The following FMO5 variants were observed in gnomAD, a reference collection of about 807,000 sequenced individuals.
FMO5 encodes the protein flavin-containing monooxygenase 5.
In FMO5, 51 loss-of-function variants were observed where a neutral mutation model predicts 43.6. The observed-to-expected ratio is 1.17, with a 90% CI of 0.93 to 1.48. The LOEUF is 1.48. Ranked by LOEUF, FMO5 falls within the 40% of genes most tolerant of loss-of-function variation. FMO5 has a pLI of 0.00. For missense variants in FMO5, 644 were observed against 643.0 expected (o/e 1.00, Z -0.02); for synonymous variants, 187 against 216.5 (o/e 0.86, Z 1.20).
downstream of FMO5, among the ~76,000 whole-genome samples, chr1:147,185,043 A>G (rs7548475): frequency 0.37 from 56,610 of 151,884 alleles, 10,976 homozygotes; most frequent in African/African-American, 0.5. Flanking sequence ...TAATATAAGA[A>G]CAAGATATGG....
At position 147,200,573 on chromosome 1, in the gene FMO5, C is replaced by CGG. The variant is rs1553920654; in HGVS notation, c.1183+578_1183+579insCC. On this transcript the variant is annotated intron_variant, in intron 7 of 8. Transcript: ENST00000254090. ...TTTGGAAGCTATATCATTCTACTGA[C>CGG]TCATATGAAACCTATTCCCCTTTTT... 5.4e-5 allele frequency among the ~76,000 whole-genome samples: 7 copies of CGG among 129,182 alleles called. No individual in the cohort carries two copies. In the East Asian group the frequency reaches 1.4e-3, roughly 26 times the overall value. The allele number at this position is 129,182 out of a possible 152,430, so 84.7% of individuals were successfully genotyped here. A position where few individuals can be genotyped will look rare whatever the true frequency, so the allele number is the denominator to read the frequency against.
In FMO5 at chr1:147,186,714, G is replaced by A; in HGVS notation, c.*186C>T. On this transcript the variant is annotated 3_prime_UTR_variant, in exon 9 of 9. Transcript: ENST00000254090. Reference sequence around the variant, plus strand: ...AGAGTGACGGATCATGAGTGGAAGGGAGATGAGTTAATACAAATGGAAAAC... The same window carrying A: ...AGAGTGACGGATCATGAGTGGAAGGAAGATGAGTTAATACAAATGGAAAAC... The A allele has an allele frequency of 3.5e-6, 5 of 1,419,560 alleles. No individual in the cohort carries two copies. The highest frequency in any genetic ancestry group is 4.6e-6 in the Non-Finnish European group (5 of 1,092,380). The allele number at this position is 1,419,560 out of a possible 1,614,324, so 87.9% of individuals were successfully genotyped here. A position where few individuals can be genotyped will look rare whatever the true frequency, so the allele number is the denominator to read the frequency against.
At chr1:147,184,699 G>A, downstream of FMO5, 2 of 1,414,828 alleles carry the variant, frequency 1.4e-6, no homozygotes, top group Non-Finnish European at 1.8e-6. This position sits in a 1 kb window ranked among gnomAD's most constrained non-coding sequence, Gnocchi z 4.4. Flanking sequence ...TCATCTCAAA[G>A]GTACATACTA....
chr1:147,199,989 A>T (rs1255615217), intron 7 of FMO5, among the ~76,000 whole-genome samples: 5 of 152,140 alleles, frequency 3.3e-5, no homozygotes, highest in Middle Eastern at 3.2e-3. Context: ...CTTTAGAAGG[A>T]CCCTTAAACA....
At position 147,201,470 on chromosome 1, in the gene FMO5, G is replaced by A. The variant is rs1553920975; in HGVS notation, c.865C>T (p.Leu289=). 3.7e-6 allele frequency: 6 copies of A among 1,613,992 alleles called. No individual in the cohort carries two copies. In the Admixed American group the frequency reaches 5.0e-5, roughly 13 times the overall value. Residue 289 remains leucine (L), a synonymous_variant, in exon 7 of 9, where the codon CTG becomes TTG. Transcript: ENST00000254090. ...AAGCCAGAAATGATACGATTTGGCAGGTCATCATTTAAGGTTGGATGCTGA... is the reference window on the plus strand; with the variant it reads ...AAGCCAGAAATGATACGATTTGGCAAGTCATCATTTAAGGTTGGATGCTGA... The part of the protein sequence containing the change: ...LSQHPTLNDD[L]PNRIISGLVK...
chr1:147,213,546 T>C, intron 3 of FMO5, 76 bp from the exon 4 acceptor site: 1 of 1,277,696 alleles, frequency 7.8e-7, no homozygotes. Flanking sequence ...AAAGGGCTGA[T>C]ATCACAGACA....
At chr1:147,192,688 C>T (rs1469021158) in intron 7 of FMO5, among the ~76,000 whole-genome samples, 4 of 152,082 alleles carry the variant, frequency 2.6e-5, no homozygotes, top group Admixed American at 6.5e-5. Flanking sequence ...TACATCCCAT[C>T]GATACCTAAT....
chr1:147,214,476 A>AAG (rs1553924557), intron 3 of FMO5, among the ~76,000 whole-genome samples: 1 of 150,642 alleles, frequency 6.6e-6, no homozygotes, highest in Non-Finnish European at 1.5e-5. Flanking sequence ...CAAAAAAAAA[A>AAG]AGAGAGACAA....
At chr1:147,209,678 A>G (rs1201377775) in intron 5 of FMO5, 2 of 152,320 alleles carry the variant, frequency 1.3e-5, no homozygotes, top group East Asian at 3.9e-4. Flanking sequence ...AAGCCTGTTC[A>G]TTTTTAAGAC....
At chr1:147,216,401 T>A (rs782596193) in intron 2 of FMO5, among the ~76,000 whole-genome samples, 2 of 151,806 alleles carry the variant, frequency 1.3e-5, no homozygotes, top group South Asian at 2.1e-4. Flanking sequence ...AACAGAAAGT[T>A]ACTAACACTG....
chr1:147,214,473 A>AAT (rs1315407204), intron 3 of FMO5, among the ~76,000 whole-genome samples: 1 of 150,864 alleles, frequency 6.6e-6, no homozygotes, highest in Non-Finnish European at 1.5e-5. Flanking sequence ...AAACAAAAAA[A>AAT]AAAAGAGAGA....
intron 6 of FMO5, chr1:147,203,689 T>TA: frequency 1.3e-6 from 2 of 1,487,806 alleles, no homozygotes; most frequent in Non-Finnish European, 1.9e-6. Context: ...ATTCAATTTC[T>TA]GTTGCTCCAC....
intron 7 of FMO5, among the ~76,000 whole-genome samples, chr1:147,197,685 C>T (rs1451539927): frequency 6.6e-6 from 1 of 152,108 alleles, no homozygotes; most frequent in African/African-American, 2.4e-5. Flanking sequence ...CCTGAGGCCT[C>T]CCCAGCCATG....
chr1:147,220,988 C>A (rs1553926137), intron 2 of FMO5, among the ~76,000 whole-genome samples: 1 of 150,022 alleles, frequency 6.7e-6, no homozygotes, highest in Non-Finnish European at 1.5e-5. Context: ...TAGTATGTAC[C>A]CTTGATGGGA....
intron 3 of FMO5, 124 bp downstream of exon 3, chr1:147,215,629 TG>T: frequency 3.1e-6 from 2 of 636,080 alleles, no homozygotes; most frequent in East Asian, 6.0e-5. Context: ...AGTTTTTGCC[TG>T]GGTAGGATAA....
At chr1:147,194,928 G>T (rs1406557812) in intron 7 of FMO5, among the ~76,000 whole-genome samples, 26 of 151,794 alleles carry the variant, frequency 1.7e-4, no homozygotes, top group African/African-American at 6.3e-4. Context: ...TTTCTCTCTG[G>T]CTGCCCTTAA....
At chr1:147,220,060 G>A (rs587645336) in intron 2 of FMO5, among the ~76,000 whole-genome samples, 15 of 151,956 alleles carry the variant, frequency 9.9e-5, no homozygotes, top group Non-Finnish European at 1.8e-4. Flanking sequence ...GGCTGGTCTC[G>A]ATCTCCTGAC....
chr1:147,194,194 C>T (rs587699361), intron 7 of FMO5, among the ~76,000 whole-genome samples: 335 of 152,204 alleles, frequency 2.2e-3, no homozygotes, highest in Non-Finnish European at 3.9e-3. Context: ...GGTGCTCCTG[C>T]ATTGGGTGCA....
chr1:147,193,179 A>G (rs1438917517), intron 7 of FMO5, among the ~76,000 whole-genome samples: 2 of 152,122 alleles, frequency 1.3e-5, no homozygotes, highest in African/African-American at 4.8e-5. Flanking sequence ...TATTGCCACA[A>G]TTTCAGAGCC....
Sources: gnomAD v4.1 joint callset for allele counts (sites outside exome capture counted in the v4.1 genomes callset) on GRCh38, gnomAD v4.1.1 for gene constraint, Gnocchi (gnomAD v3.1) non-coding constraint, MANE v1.5 for transcripts, NCBI Gene and HGNC (gene_info 2026-07-23, HGNC 2026-07-21) for gene names.